Variants in DAPK1 observed in about 807,000 individuals in gnomAD.
The protein encoded by DAPK1 is death-associated protein kinase 1.
Under a neutral mutation model 144.9 loss-of-function variants are expected in DAPK1, and 56 were observed. That is an observed-to-expected ratio of 0.39 (90% CI 0.31 to 0.48). DAPK1 has a LOEUF of 0.48. DAPK1 is among the 20% of genes least tolerant of loss of function. The probability of loss-of-function intolerance (pLI) is 0.95; values close to 1 mark genes in which losing one functional copy is unlikely to be tolerated. For missense variants in DAPK1, 1,454 were observed against 1,875.4 expected, an observed-to-expected ratio of 0.78 and a Z score of 4.15; for synonymous variants, 690 against 749.0, an observed-to-expected ratio of 0.92 and a Z score of 1.29.
intron 20 of DAPK1, among the ~76,000 whole-genome samples, chr9:87,682,228 G>A (rs1296502773): frequency 2.0e-5 from 3 of 152,180 alleles, no homozygotes; most frequent in Admixed American, 6.5e-5. Flanking sequence ...CCTTGGGAAC[G>A]TTTGCTGCCT....
intron 2 of DAPK1, among the ~76,000 whole-genome samples, chr9:87,520,776 T>C (rs1320511075): frequency 1.3e-5 from 2 of 152,342 alleles, no homozygotes; most frequent in Admixed American, 1.3e-4. Context: ...TACATACCTG[T>C]GTGCGTACAT....
rs188712086 is a variant in DAPK1, at chr9:87,658,000, G to A, written c.1825-29G>A. ...TCCTCAGCAACTGCGTGAGAAGAAC[G>A]ACCTTTGGCCTTTTTTCTCTCTTCC... On this transcript the variant is annotated intron_variant, in intron 17 of 25. Coordinates refer to ENST00000408954, the MANE Select transcript of DAPK1 (RefSeq NM_004938.4). 80 of 866,816 alleles carry A rather than the reference G, an allele frequency of 9.2e-5. No homozygotes were observed. In the East Asian group the frequency reaches 1.5e-3, roughly 16 times the overall value. The allele number at this position is 866,816 out of a possible 1,614,324, so 53.7% of individuals were successfully genotyped here. A position where few individuals can be genotyped will look rare whatever the true frequency, so the allele number is the denominator to read the frequency against.
chr9:87,614,065 T>C (rs376375824), intron 3 of DAPK1, among the ~76,000 whole-genome samples: 15 of 152,304 alleles, frequency 9.8e-5, no homozygotes, highest in African/African-American at 3.6e-4. Context: ...GTAAAATAGG[T>C]TATTTTCCAT....
chr9:87,636,074 G>A lies in DAPK1; in HGVS notation c.285-1869G>A, dbSNP rs187774331. 1.3e-3 allele frequency among the ~76,000 whole-genome samples: 197 copies of A among 152,314 alleles called. 2 individuals are homozygous for A. In the Middle Eastern group the frequency reaches 0.031, roughly 24 times the overall value. Reference sequence around the variant, plus strand: ...GAAGCGGGAGGCCTTGCCTTGTTCCGTGGGCAGACAGTGTGGGGGCTGTGA... The same window carrying A: ...GAAGCGGGAGGCCTTGCCTTGTTCCATGGGCAGACAGTGTGGGGGCTGTGA... On this transcript the variant is annotated intron_variant, in intron 3 of 25. Transcript: ENST00000408954.
At position 87,618,273 on chromosome 9, in the gene DAPK1, A is replaced by G. The variant is rs936885854; in HGVS notation, c.284+13098A>G. Among the ~76,000 whole-genome samples, 4 of 152,212 alleles carry G rather than the reference A, an allele frequency of 2.6e-5. No homozygotes were observed. The South Asian group carries it at 8.3e-4, about 32-fold the overall frequency. ...CTAGGATGGCTCTAATCAAAAAGACAGGCAATCTCAAGTGTTGGTGGGGAT... is the reference window on the plus strand; with the variant it reads ...CTAGGATGGCTCTAATCAAAAAGACGGGCAATCTCAAGTGTTGGTGGGGAT... On this transcript the variant is annotated intron_variant, in intron 3 of 25. Coordinates refer to ENST00000408954, the MANE Select transcript of DAPK1 (RefSeq NM_004938.4).
chr9:87,648,682 G>A, intron 14 of DAPK1, 99 bp from the exon 15 acceptor site: 1 of 1,084,496 alleles, frequency 9.2e-7, no homozygotes, highest in East Asian at 2.4e-5. Context: ...AAAGGGGACA[G>A]AGTGGAACCA....
intron 3 of DAPK1, among the ~76,000 whole-genome samples, chr9:87,637,535 G>A (rs189359472): frequency 2.4e-4 from 37 of 152,198 alleles, no homozygotes; most frequent in Admixed American, 2.1e-3. Flanking sequence ...AACTTTTCAG[G>A]TACTCTCTAA....
At chr9:87,604,247 A>G (rs1447821313) in intron 2 of DAPK1, among the ~76,000 whole-genome samples, 1 of 152,094 alleles carries the variant, frequency 6.6e-6, no homozygotes, top group Non-Finnish European at 1.5e-5. Flanking sequence ...GAAGGGTCTT[A>G]CTTGGCATTG....
At chr9:87,599,445 C>G (rs1195987453) in intron 2 of DAPK1, among the ~76,000 whole-genome samples, 1 of 152,138 alleles carries the variant, frequency 6.6e-6, no homozygotes, top group African/African-American at 2.4e-5. Flanking sequence ...AGATGTCAGC[C>G]TGTTCTTTAT....
In DAPK1 at chr9:87,600,571, C is replaced by T. The variant is rs144396149; in HGVS notation, c.63-4383C>T. 2.3e-3 allele frequency among the ~76,000 whole-genome samples: 345 copies of T among 152,038 alleles called. 1 individual carries two copies. Among genetic ancestry groups the T allele is most frequent in the African/African-American group, 7.7e-3 (321 of 41,432 alleles). ...TTGCATCACCACACTACAGCCTGCG[C>T]GGCAGAGCGAGACCCTGTCTCAAGA... On this transcript the variant is annotated intron_variant, in intron 2 of 25. Transcript: ENST00000408954.
chr9:87,556,056 A>G (rs1402660591), intron 2 of DAPK1, among the ~76,000 whole-genome samples: 1 of 152,248 alleles, frequency 6.6e-6, no homozygotes, highest in Non-Finnish European at 1.5e-5. Flanking sequence ...CCACCATGGT[A>G]ATTACTGCCC....
At chr9:87,524,805 T>C (rs1316573915) in intron 2 of DAPK1, among the ~76,000 whole-genome samples, 4 of 152,116 alleles carry the variant, frequency 2.6e-5, no homozygotes, top group Admixed American at 1.3e-4. Flanking sequence ...AACTAAATAT[T>C]GTATGTTCTC....
chr9:87,562,969 T>C (rs1187665317), intron 2 of DAPK1, among the ~76,000 whole-genome samples: 1 of 152,232 alleles, frequency 6.6e-6, no homozygotes, highest in Non-Finnish European at 1.5e-5. Context: ...CTTTTTTACT[T>C]TCTTCATGAC....
chr9:87,542,990 G>C (rs1290657705), intron 2 of DAPK1, among the ~76,000 whole-genome samples: 1 of 152,190 alleles, frequency 6.6e-6, no homozygotes, highest in East Asian at 1.9e-4. Context: ...GACTGCATGG[G>C]TGACATTAGA....
intron 9 of DAPK1, 27 bp from the exon 10 acceptor site, chr9:87,641,942 A>AT: frequency 3.8e-6 from 6 of 1,577,400 alleles, no homozygotes; most frequent in South Asian, 1.1e-5. Flanking sequence ...GAGAGCTTTA[A>AT]TTTTTTTTCT....
Position 87,560,117 on chromosome 9 carries a change from A to C in DAPK1, c.63-44837A>C, listed in dbSNP as rs144075985. Among the ~76,000 whole-genome samples, 6 of 150,462 alleles carry C rather than the reference A, an allele frequency of 4.0e-5. No homozygotes were observed. The East Asian group carries it at 9.8e-4, about 24-fold the overall frequency. On this transcript the variant is annotated intron_variant, in intron 2 of 25. Transcript: ENST00000408954. The stretch of plus-strand genomic sequence containing the variant: ...GCTATTCTCCTGCCTCAGCCTCCCT[A>C]GTAGCTGAGATTACAGGTGCATGCC...
At chr9:87,632,549 T>C in intron 3 of DAPK1, 1 of 973,520 alleles carries the variant, frequency 1.0e-6, no homozygotes, top group Non-Finnish European at 1.2e-6. Context: ...AGTATACATG[T>C]AGGGATGAAG....
intron 2 of DAPK1, among the ~76,000 whole-genome samples, chr9:87,586,058 C>T (rs1342968804): frequency 1.3e-5 from 2 of 152,068 alleles, no homozygotes; most frequent in African/African-American, 2.4e-5. Flanking sequence ...GAGGCCGAGG[C>T]GAGCGGATCA....
At chr9:87,685,254 T>C (rs930734745) in intron 20 of DAPK1, among the ~76,000 whole-genome samples, 1 of 152,194 alleles carries the variant, frequency 6.6e-6, no homozygotes, top group African/African-American at 2.4e-5. Context: ...CCTTTCCCTG[T>C]ACCTAATCCT....
Sources: allele counts gnomAD v4.1 joint callset (sites outside exome capture counted in the v4.1 genomes callset), GRCh38; gene constraint gnomAD v4.1.1; transcripts MANE v1.5; gene names NCBI Gene and HGNC (gene_info 2026-07-23, HGNC 2026-07-21).